EYS: variants seen among roughly 807,000 people sequenced by gnomAD.
EYS encodes the protein protein eyes shut homolog.
EYS carries 250 observed loss-of-function variants against 282.1 expected under a neutral mutation model. That is an observed-to-expected ratio of 0.89 (90% confidence interval 0.80 to 0.98). The LOEUF is 0.98. Among genes scored for constraint, EYS ranks in the 50% least tolerant of loss-of-function variants. The pLI is 0.00. For synonymous variants in EYS, 1,355 were observed against 1,282.9 expected (o/e 1.06, Z -1.20); for missense variants, 4,016 against 3,709.0 (o/e 1.08, Z -2.15).
intron 31 of EYS, among the ~76,000 whole-genome samples, chr6:64,088,573 A>C (rs1198278065): frequency 6.6e-6 from 1 of 152,034 alleles, no homozygotes; most frequent in Non-Finnish European, 1.5e-5. Context: ...TTGGCAAAGG[A>C]AGCTATGAAA....
intron 22 of EYS, among the ~76,000 whole-genome samples, chr6:64,764,063 A>C (rs917041695): frequency 6.6e-6 from 1 of 152,166 alleles, no homozygotes; most frequent in Non-Finnish European, 1.5e-5. Context: ...TTCCAGGCAC[A>C]CTGTGCAAGC....
At chr6:65,509,649 C>A (rs1349173005) in intron 2 of EYS, among the ~76,000 whole-genome samples, 1 of 152,164 alleles carries the variant, frequency 6.6e-6, no homozygotes, top group Admixed American at 6.5e-5. Flanking sequence ...TATTTCCTAA[C>A]AATCTGTGGA....
At chr6:65,088,987 G>T (rs1195414529) in intron 12 of EYS, among the ~76,000 whole-genome samples, 1 of 152,118 alleles carries the variant, frequency 6.6e-6, no homozygotes, top group Non-Finnish European at 1.5e-5. Context: ...CGAGCCTGTG[G>T]GTGCACAGAA....
intron 19 of EYS, among the ~76,000 whole-genome samples, chr6:64,853,440 G>A (rs983133038): frequency 2.6e-5 from 4 of 152,066 alleles, no homozygotes; most frequent in Non-Finnish European, 4.4e-5. Flanking sequence ...CTTCACAGCC[G>A]ACTATGAGAA....
intron 2 of EYS, among the ~76,000 whole-genome samples, chr6:65,509,808 T>G (rs1766795119): frequency 1.3e-5 from 2 of 152,274 alleles, no homozygotes; most frequent in African/African-American, 4.8e-5. Flanking sequence ...GTTTACTTGT[T>G]TGTTTCCCCA....
At position 63,815,019 on chromosome 6, in the gene EYS, G is replaced by A. The variant is rs115549031; in HGVS notation, c.7229-8647C>T. Among the ~76,000 whole-genome samples, 216 of 152,182 alleles carry A rather than the reference G, an allele frequency of 1.4e-3. 1 individual carries two copies. The highest frequency in any genetic ancestry group is 0.01 in the South Asian group (49 of 4,822). ...CTAACTCATGAATTTCTTCATGCCC[G>A]TGAATATTTAGTTCAGAAATTAAGA... On this transcript the variant is annotated intron_variant, in intron 36 of 42. Coordinates refer to ENST00000503581, the MANE Select transcript of EYS (RefSeq NM_001142800.2).
intron 19 of EYS, among the ~76,000 whole-genome samples, chr6:64,842,452 T>G (rs958299068): frequency 6.6e-6 from 1 of 151,718 alleles, no homozygotes; most frequent in Non-Finnish European, 1.5e-5. Flanking sequence ...TACCCAAAAT[T>G]GTGGAAGCGA....
chr6:64,047,532 A>C (rs1770669579), intron 33 of EYS, among the ~76,000 whole-genome samples: 1 of 152,208 alleles, frequency 6.6e-6, no homozygotes, highest in Non-Finnish European at 1.5e-5. Context: ...GTTAATTTTG[A>C]GTTAAATTTT....
chr6:64,121,676 G>T (rs1274868550), intron 31 of EYS, among the ~76,000 whole-genome samples: 1 of 152,084 alleles, frequency 6.6e-6, no homozygotes, highest in Non-Finnish European at 1.5e-5. Flanking sequence ...AAAATCTTCT[G>T]CAATTTTCTA....
intron 28 of EYS, among the ~76,000 whole-genome samples, chr6:64,419,560 C>A (rs1774162386): frequency 1.3e-5 from 2 of 152,248 alleles, no homozygotes; most frequent in Admixed American, 1.3e-4. Flanking sequence ...AAGTTAGTTA[C>A]TTCCTAGATA....
intron 41 of EYS, among the ~76,000 whole-genome samples, chr6:63,745,976 GA>G (rs1241294414): frequency 6.6e-6 from 1 of 152,186 alleles, no homozygotes; most frequent in African/African-American, 2.4e-5. Flanking sequence ...AAGCCAGGAA[GA>G]GAGCCCTTGC....
At chr6:64,665,710 A>T (rs1045976055) in intron 22 of EYS, among the ~76,000 whole-genome samples, 1 of 151,728 alleles carries the variant, frequency 6.6e-6, no homozygotes, top group African/African-American at 2.4e-5. Flanking sequence ...CACTTCCAAG[A>T]CCCCCTCCCG....
rs183349431 is a variant in EYS, at chr6:65,151,800, T to C, written c.2024-94073A>G. Among the ~76,000 whole-genome samples, 765 of 152,078 alleles carry C rather than the reference T, an allele frequency of 5.0e-3. 1 individual carries two copies. The highest frequency in any genetic ancestry group is 0.01 in the Middle Eastern group (3 of 294). ...TCTTATTTAAAATATTTGGACATAG[T>C]CTCTTAATAATTAGATTATAGGAAG... On this transcript the variant is annotated intron_variant, in intron 12 of 42. Coordinates refer to ENST00000503581, the MANE Select transcript of EYS (RefSeq NM_001142800.2).
At chr6:65,681,796 A>G (rs1768832744) in intron 1 of EYS, among the ~76,000 whole-genome samples, 3 of 151,900 alleles carry the variant, frequency 2.0e-5, no homozygotes, top group Admixed American at 2.0e-4. Flanking sequence ...TTTGAGATGT[A>G]AAGAATCTTT....
At chr6:64,751,431 G>T (rs577735970) in intron 22 of EYS, among the ~76,000 whole-genome samples, 8 of 152,156 alleles carry the variant, frequency 5.3e-5, no homozygotes, top group African/African-American at 1.2e-4. Context: ...ACAAGTCTGG[G>T]TGTTGAATGG....
chr6:64,116,961 AAATAAT>A (rs1773406275), intron 31 of EYS, among the ~76,000 whole-genome samples: 1 of 152,106 alleles, frequency 6.6e-6, no homozygotes, highest in South Asian at 2.1e-4. Flanking sequence ...AGTAATATAA[AAATAAT>A]AGAATAAAAT....
chr6:65,127,091 A>G (rs1283928002), intron 12 of EYS, among the ~76,000 whole-genome samples: 13 of 152,172 alleles, frequency 8.5e-5, no homozygotes, highest in Admixed American at 3.9e-4. Flanking sequence ...TCTTTATATC[A>G]GCAATCCTAA....
In EYS at chr6:65,508,051, C is replaced by T. The variant is rs149444221; in HGVS notation, c.-332-12058G>A. ...GGTAATAGGAACAGAGATGAACAGGCCTCTAATGTGGAGATCTCTGTCAAT... is the reference window on the plus strand; with the variant it reads ...GGTAATAGGAACAGAGATGAACAGGTCTCTAATGTGGAGATCTCTGTCAAT... On this transcript the variant is annotated intron_variant, in intron 2 of 42. Transcript: ENST00000503581. 6.3e-4 allele frequency among the ~76,000 whole-genome samples: 96 copies of T among 152,158 alleles called. 1 individual carries two copies. Among genetic ancestry groups the T allele is most frequent in the African/African-American group, 2.1e-3 (89 of 41,534 alleles).
intron 12 of EYS, among the ~76,000 whole-genome samples, chr6:65,089,039 G>A (rs1774470632): frequency 6.6e-6 from 1 of 152,160 alleles, no homozygotes; most frequent in South Asian, 2.1e-4. Context: ...AGATATCAGG[G>A]GATGAATGGA....
Sources: gnomAD v4.1 joint callset for allele counts (sites outside exome capture counted in the v4.1 genomes callset) on GRCh38, gnomAD v4.1.1 for gene constraint, MANE v1.5 for transcripts, NCBI Gene and HGNC (gene_info 2026-07-23, HGNC 2026-07-21) for gene names.